The following AGAP1 variants were observed in gnomAD, a reference collection of about 807,000 sequenced individuals.
The protein encoded by AGAP1 is arf-GAP with GTPase, ANK repeat and PH domain-containing protein 1.
A neutral mutation model predicts 105.3 loss-of-function variants in AGAP1; 29 were observed. That is an observed-to-expected ratio of 0.28 (90% CI 0.21 to 0.38). AGAP1 has a LOEUF of 0.38. AGAP1 is among the 10% of genes least tolerant of loss of function. AGAP1 has a pLI of 1.00. For missense variants in AGAP1, 998 were observed against 1,165.1 expected (o/e 0.86, Z 2.09); for synonymous variants, 509 against 485.9 (o/e 1.05, Z -0.63).
At chr2:235,803,752 T>A (rs1025268407) in intron 8 of AGAP1, among the ~76,000 whole-genome samples, 9 of 152,236 alleles carry the variant, frequency 5.9e-5, no homozygotes, top group African/African-American at 1.7e-4. Flanking sequence ...ATGACTTTTT[T>A]ATAAAATAGT....
chr2:236,108,379 T>C (rs888551355), intron 16 of AGAP1, among the ~76,000 whole-genome samples: 3 of 152,188 alleles, frequency 2.0e-5, no homozygotes, highest in Non-Finnish European at 4.4e-5. Context: ...TCCTCTGCCC[T>C]TCCTCTCCTC....
At position 235,750,329 on chromosome 2, in the gene AGAP1, G is replaced by A. The variant is rs373272693; in HGVS notation, c.539-25G>A. The A allele has an allele frequency of 9.0e-5, 146 of 1,613,484 alleles. No individual in the cohort carries two copies. The highest frequency in any genetic ancestry group is 1.1e-4 in the Non-Finnish European group (129 of 1,179,636). ...TTAGAGCTGTCATTGTCACTGTGCC[G>A]TTACTTTTTGGTCTTCTGTTCCAGA... On this transcript the variant is annotated intron_variant, in intron 5 of 17. Transcript: ENST00000304032. The surrounding 1 kb of genome is among the most constrained non-coding windows in gnomAD (Gnocchi z 5.3).
chr2:235,729,785 C>A lies in AGAP1; in HGVS notation c.311-11178C>A, dbSNP rs1429737589. ...GTGCATCTGTCAACAAAAGAAATAC[C>A]AAAGATGAGACTACAGCAGCGACTT... is the stretch of plus-strand genomic sequence containing the variant. On this transcript the variant is annotated intron_variant, in intron 3 of 17. Transcript: ENST00000304032. This position sits in a 1 kb window ranked among gnomAD's most constrained non-coding sequence, Gnocchi z 5.0. Among the ~76,000 whole-genome samples, 1 of 152,028 alleles carries A rather than the reference C, an allele frequency of 6.6e-6. No individual in the cohort carries two copies. The highest frequency in any genetic ancestry group is 1.5e-5 in the Non-Finnish European group (1 of 68,014).
In AGAP1 at chr2:235,559,058, G is replaced by GA. The variant is rs1944064767; in HGVS notation, c.163+64210dup. Reference sequence around the variant, plus strand: ...CCACCTCAGCCTCCTAGGTAGCTGAGACTACAGGCATGCGCCACTACACCC... The same window carrying GA: ...CCACCTCAGCCTCCTAGGTAGCTGAGAACTACAGGCATGCGCCACTACACCC... On this transcript the variant is annotated intron_variant, in intron 1 of 17. Transcript: ENST00000304032. The surrounding 1 kb of genome is among the most constrained non-coding windows in gnomAD (Gnocchi z 5.7). Among the ~76,000 whole-genome samples, 1 of 152,092 alleles carries GA rather than the reference G, an allele frequency of 6.6e-6. No homozygotes were observed. The highest frequency in any genetic ancestry group is 2.1e-4 in the South Asian group (1 of 4,826).
Position 235,842,674 on chromosome 2 carries a change from C to T in AGAP1, c.1050+35343C>T, listed in dbSNP as rs1034915297. 1.3e-5 allele frequency among the ~76,000 whole-genome samples: 2 copies of T among 152,170 alleles called. No homozygotes were observed. The highest frequency in any genetic ancestry group is 1.3e-4 in the Admixed American group (2 of 15,274). On this transcript the variant is annotated intron_variant, in intron 9 of 17. Coordinates refer to ENST00000304032, the MANE Select transcript of AGAP1 (RefSeq NM_001037131.3). The surrounding 1 kb of genome is among the most constrained non-coding windows in gnomAD (Gnocchi z 5.3). Reference sequence around the variant, plus strand: ...TCCATGTGGATTTGAGTTTCTTACCCTATGAATTCTATAAACTGAAGTTTT... The same window carrying T: ...TCCATGTGGATTTGAGTTTCTTACCTTATGAATTCTATAAACTGAAGTTTT...
rs1248270312 is a variant in AGAP1 at position 235,578,969 on chromosome 2, C to T, written c.163+84120C>T. On this transcript the variant is annotated intron_variant, in intron 1 of 17. Coordinates refer to ENST00000304032, the MANE Select transcript of AGAP1 (RefSeq NM_001037131.3). This position sits in a 1 kb window ranked among gnomAD's most constrained non-coding sequence, Gnocchi z 4.9. ...ATTTGAATTACTTCTGTTTCTTTCT[C>T]TTTGCTAGTCTAAGTCTTAGAAGAA... 2.6e-5 allele frequency among the ~76,000 whole-genome samples: 4 copies of T among 152,078 alleles called. No individual in the cohort carries two copies. The highest frequency in any genetic ancestry group is 9.7e-5 in the African/African-American group (4 of 41,398).
At chr2:235,986,553 T>C (rs2055322448) in intron 13 of AGAP1, among the ~76,000 whole-genome samples, 1 of 152,276 alleles carries the variant, frequency 6.6e-6, no homozygotes, top group South Asian at 2.1e-4. Context: ...TTGTACCAGT[T>C]TTCAGAAGGA....
At chr2:235,902,081 G>GT (rs1455963589) in intron 10 of AGAP1, among the ~76,000 whole-genome samples, 1 of 152,108 alleles carries the variant, frequency 6.6e-6, no homozygotes, top group African/African-American at 2.4e-5. Flanking sequence ...CATGAGAAGG[G>GT]TTGCATTGTT....
rs1412736869 is a variant in AGAP1 at position 235,979,300 on chromosome 2, G to A, written c.1645+10677G>A. Among the ~76,000 whole-genome samples, 1 of 152,044 alleles carries A rather than the reference G, an allele frequency of 6.6e-6. No individual in the cohort carries two copies. The highest frequency in any genetic ancestry group is 1.5e-5 in the Non-Finnish European group (1 of 68,020). ...GTGCACATTTTTAAGGGCAGTTTGA[G>A]GTTGGAGGGAGGAGGGTGGTGATTG... On this transcript the variant is annotated intron_variant, in intron 13 of 17. Transcript: ENST00000304032. The surrounding 1 kb of genome is among the most constrained non-coding windows in gnomAD (Gnocchi z 4.5).
chr2:236,011,631 A>G (rs2056516372), intron 13 of AGAP1, among the ~76,000 whole-genome samples: 1 of 152,232 alleles, frequency 6.6e-6, no homozygotes, highest in Non-Finnish European at 1.5e-5. Flanking sequence ...AGAATAATAG[A>G]TTTTGTGAGA....
In AGAP1 at chr2:235,721,864, C is replaced by T. The variant is rs1203697132; in HGVS notation, c.310+4220C>T. 2.0e-5 allele frequency among the ~76,000 whole-genome samples: 3 copies of T among 152,192 alleles called. No individual in the cohort carries two copies. The highest frequency in any genetic ancestry group is 4.4e-5 in the Non-Finnish European group (3 of 68,030). On this transcript the variant is annotated intron_variant, in intron 3 of 17. Coordinates refer to ENST00000304032, the MANE Select transcript of AGAP1 (RefSeq NM_001037131.3). The surrounding 1 kb of genome is among the most constrained non-coding windows in gnomAD (Gnocchi z 4.5). ...CGTCTCCAGATCCAGGCCTCCTTTT[C>T]AGCAGATACATCAGATGCATTTTAG...
intron 1 of AGAP1, among the ~76,000 whole-genome samples, chr2:235,542,929 T>C (rs1181970999): frequency 1.3e-5 from 2 of 152,170 alleles, no homozygotes; most frequent in Admixed American, 6.5e-5. Flanking sequence ...TCCAGTTGCA[T>C]TGGGCTTTTG....
chr2:235,687,197 G>A (rs1379647575), intron 1 of AGAP1, among the ~76,000 whole-genome samples: 1 of 152,162 alleles, frequency 6.6e-6, no homozygotes, highest in Non-Finnish European at 1.5e-5. Flanking sequence ...AAGAATCTGG[G>A]CATTTGCTAT....
At position 235,736,156 on chromosome 2, in the gene AGAP1, G is replaced by A. The variant is rs1449450794; in HGVS notation, c.311-4807G>A. 6.6e-6 allele frequency among the ~76,000 whole-genome samples: 1 copy of A among 151,672 alleles called. No individual in the cohort carries two copies. Among genetic ancestry groups the A allele is most frequent in the Non-Finnish European group, 1.5e-5 (1 of 67,976 alleles). ...GCGACCTGGTTCCACCTTAGGGTCAGGCAGCTGCGACCGATCTGTCTGGTT... is the reference window on the plus strand; with the variant it reads ...GCGACCTGGTTCCACCTTAGGGTCAAGCAGCTGCGACCGATCTGTCTGGTT... On this transcript the variant is annotated intron_variant, in intron 3 of 17. Coordinates refer to ENST00000304032, the MANE Select transcript of AGAP1 (RefSeq NM_001037131.3). This position sits in a 1 kb window ranked among gnomAD's most constrained non-coding sequence, Gnocchi z 5.5.
chr2:235,511,999 C>CGTGA (rs71064848), intron 1 of AGAP1, among the ~76,000 whole-genome samples: 63,182 of 133,556 alleles, frequency 0.47, 15,045 homozygotes, highest in African/African-American at 0.68. Flanking sequence ...TGTGTGAATG[C>CGTGA]GTGTGTGACT....
rs986147546 is a variant in AGAP1 at position 236,014,902 on chromosome 2, C to T, written c.1646-21659C>T. 17 of 393,108 alleles carry T rather than the reference C, an allele frequency of 4.3e-5. No homozygotes were observed. The highest frequency in any genetic ancestry group is 6.9e-5 in the Non-Finnish European group (13 of 187,856). The allele number at this position is 393,108 out of a possible 1,614,324, so 24.4% of individuals were successfully genotyped here. The stretch of plus-strand genomic sequence containing the variant: ...AAGGTAACGCCTCCGCACCTCCACC[C>T]GCCCACACCTCCACCTGCCTCTTCC... On this transcript the variant is annotated intron_variant, in intron 13 of 17. Transcript: ENST00000304032. The surrounding 1 kb of genome is among the most constrained non-coding windows in gnomAD (Gnocchi z 6.3).
chr2:235,538,384 G>C (rs1943310114), intron 1 of AGAP1, among the ~76,000 whole-genome samples: 1 of 151,014 alleles, frequency 6.6e-6, no homozygotes, highest in Non-Finnish European at 1.5e-5. Flanking sequence ...CGGAGAATAT[G>C]CTTGCTCCTC....
In AGAP1 at chr2:235,852,684, A is replaced by T. The variant is rs112444384; in HGVS notation, c.1051-30661A>T. The T allele has an allele frequency of 1.4e-3, 2,116 of 1,479,398 alleles. 6 individuals are homozygous for T. The highest frequency in any genetic ancestry group is 1.6e-3 in the Non-Finnish European group (1,813 of 1,111,334). The allele number at this position is 1,479,398 out of a possible 1,614,324, so 91.6% of individuals were successfully genotyped here. On this transcript the variant is annotated intron_variant, in intron 9 of 17. Transcript: ENST00000304032. Reference sequence around the variant, plus strand: ...TTTTTTTTATCTCCTTTCTCTCCCCAGGGCCTGCCCTTCTTTGTCCTTGCA... The same window carrying T: ...TTTTTTTTATCTCCTTTCTCTCCCCTGGGCCTGCCCTTCTTTGTCCTTGCA...
Position 236,055,640 on chromosome 2 carries a change from G to A in AGAP1, c.2114+6359G>A, listed in dbSNP as rs1293858589. On this transcript the variant is annotated intron_variant, in intron 16 of 17. Transcript: ENST00000304032. The surrounding 1 kb of genome is among the most constrained non-coding windows in gnomAD (Gnocchi z 6.2). ...CAGGCAGGGACTGTGCCCTGCTCAA[G>A]CCACGACAGTGGCAGCCTTCTCCGA... Among the ~76,000 whole-genome samples the A allele has an allele frequency of 6.6e-6, 1 of 152,272 alleles. No individual in the cohort carries two copies. Among genetic ancestry groups the A allele is most frequent in the Non-Finnish European group, 1.5e-5 (1 of 68,054 alleles).
Sources: gnomAD v4.1 joint callset for allele counts (sites outside exome capture counted in the v4.1 genomes callset) on GRCh38, gnomAD v4.1.1 for gene constraint, Gnocchi (gnomAD v3.1) non-coding constraint, MANE v1.5 for transcripts, NCBI Gene and HGNC (gene_info 2026-07-23, HGNC 2026-07-21) for gene names.